The following ZNF543 variants were observed in gnomAD, a reference collection of about 807,000 sequenced individuals.
ZNF543 encodes the protein zinc finger protein 543.
Under a neutral mutation model 13.4 loss-of-function variants are expected in ZNF543, and 10 were observed. The observed-to-expected ratio is 0.75, with a 90% CI of 0.46 to 1.26. ZNF543 has a LOEUF of 1.26. Among genes scored for constraint, ZNF543 ranks in the 50% most tolerant of loss-of-function variants. ZNF543 has a pLI of 0.00. For synonymous variants in ZNF543, 272 were observed against 264.7 expected (o/e 1.03, Z -0.27); for missense variants, 768 against 741.2 (o/e 1.04, Z -0.42).
At chr19:57,323,959 G>T (rs1466068727) in intron 2 of ZNF543, 151 bp downstream of exon 2, 6 of 927,456 alleles carry the variant, frequency 6.5e-6, no homozygotes, top group Non-Finnish European at 7.9e-6. Flanking sequence ...GGAGACCAGG[G>T]TCTGGTGTCC....
chr19:57,322,258 A>T (rs1038517996), intron 1 of ZNF543, among the ~76,000 whole-genome samples: 23 of 152,228 alleles, frequency 1.5e-4, no homozygotes, highest in African/African-American at 5.5e-4. Context: ...GAGGCAGCAG[A>T]TGCAGGTCCA....
chr19:57,329,411 T>G lies in ZNF543; in HGVS notation c.*146T>G. On this transcript the variant is annotated 3_prime_UTR_variant, in exon 4 of 4. Coordinates refer to ENST00000321545, the MANE Select transcript of ZNF543 (RefSeq NM_213598.4). ...CCAGCCTGGAGTCTTATTCTCCACC[T>G]GAGAATTCACCCATGAGAGAGACCC... 5.3e-6 allele frequency: 6 copies of G among 1,124,740 alleles called. No homozygotes were observed. The highest frequency in any genetic ancestry group is 7.4e-6 in the Non-Finnish European group (6 of 805,398). 69.7% of individuals were successfully genotyped at this position (1,124,740 alleles called of 1,614,324 possible).
Position 57,320,628 on chromosome 19 carries a change from C to T in ZNF543, c.-226C>T. On this transcript the variant is annotated 5_prime_UTR_variant, in exon 1 of 4. Coordinates refer to ENST00000321545, the MANE Select transcript of ZNF543 (RefSeq NM_213598.4). The stretch of plus-strand genomic sequence containing the variant: ...GCGGGAGCCTGACGCCCCGCTTCTT[C>T]CCTAACGGGGTGTTCCACCGGCGCC... 2 of 551,574 alleles carry T rather than the reference C, an allele frequency of 3.6e-6. No homozygotes were observed. The highest frequency in any genetic ancestry group is 4.4e-5 in the South Asian group (2 of 44,970). 34.2% of individuals were successfully genotyped at this position (551,574 alleles called of 1,614,324 possible).
Position 57,328,928 on chromosome 19 carries a change from A to T in ZNF543, c.1466A>T (p.Asn489Ile). Residue 489 changes from asparagine to isoleucine, a missense_variant, in exon 4 of 4, where the codon AAC becomes ATC. Physicochemically the swap from Asn to Ile is moderately radical, Grantham distance 149. This residue lies in a region of ZNF543 where 677 missense variants were observed against 631.4 expected (regional missense o/e 1.07). Coordinates refer to ENST00000321545, the MANE Select transcript of ZNF543 (RefSeq NM_213598.4). Reference sequence around the variant, plus strand: ...TGCGTGGAGTGTGGAAAGGCCTTCAACCGCAGCTCACACCTCACGAGGCAC... The same window carrying T: ...TGCGTGGAGTGTGGAAAGGCCTTCATCCGCAGCTCACACCTCACGAGGCAC... The part of the protein sequence containing the change: ...YECVECGKAF[N>I]RSSHLTRHQQ... The T allele has an allele frequency of 2.5e-6, 4 of 1,613,810 alleles. No homozygotes were observed. The highest frequency in any genetic ancestry group is 3.4e-6 in the Non-Finnish European group (4 of 1,179,952).
At chr19:57,322,917 C>G (rs559663464) in intron 1 of ZNF543, among the ~76,000 whole-genome samples, 2 of 152,154 alleles carry the variant, frequency 1.3e-5, no homozygotes, top group Admixed American at 1.3e-4. Context: ...TGGTTTTAAA[C>G]CTCAGGAGTC....
intron 2 of ZNF543, among the ~76,000 whole-genome samples, chr19:57,325,929 G>A (rs1036693898): frequency 6.6e-6 from 1 of 152,162 alleles, no homozygotes. Flanking sequence ...CTTCCTGAAA[G>A]AGAAGGTTTT....
At position 57,321,593 on chromosome 19, in the gene ZNF543, T is replaced by C. The variant is rs1418872318; in HGVS notation, c.18+722T>C. On this transcript the variant is annotated intron_variant, in intron 1 of 3. Coordinates refer to ENST00000321545, the MANE Select transcript of ZNF543 (RefSeq NM_213598.4). ...GGCATTATTTAACCCTCAGCTCCTT[T>C]AATCCTGAACTCCTTAGAATTAGGT... 2.6e-5 allele frequency among the ~76,000 whole-genome samples: 4 copies of C among 152,246 alleles called. No homozygotes were observed. The East Asian group carries it at 7.7e-4, about 29-fold the overall frequency.
intron 1 of ZNF543, among the ~76,000 whole-genome samples, chr19:57,322,701 C>G (rs564952429): frequency 6.6e-6 from 1 of 152,258 alleles, no homozygotes; most frequent in African/African-American, 2.4e-5. Flanking sequence ...GACCTCAAGT[C>G]TCTGAGTGTG....
chr19:57,320,696 C>T lies in ZNF543; in HGVS notation c.-158C>T. 2 of 907,460 alleles carry T rather than the reference C, an allele frequency of 2.2e-6. No individual in the cohort carries two copies. Among genetic ancestry groups the T allele is most frequent in the Non-Finnish European group, 3.2e-6 (2 of 624,808 alleles). The allele number at this position is 907,460 out of a possible 1,614,324, so 56.2% of individuals were successfully genotyped here. The stretch of plus-strand genomic sequence containing the variant: ...CCGCAGCCGCCCTCCGTCTCCTCAG[C>T]CCCGACGCTGCGCCCGCTTTGTGCG... On this transcript the variant is annotated 5_prime_UTR_variant, in exon 1 of 4. Coordinates refer to ENST00000321545, the MANE Select transcript of ZNF543 (RefSeq NM_213598.4).
rs528510434 is a variant in ZNF543, at chr19:57,323,349, G to A, written c.19-333G>A. On this transcript the variant is annotated intron_variant, in intron 1 of 3. Transcript: ENST00000321545. Reference sequence around the variant, plus strand: ...TGGGAATACAGGCGCCCGCCACCGCGCCCGGCTAATTTTTTTGTATTTTTA... The same window carrying A: ...TGGGAATACAGGCGCCCGCCACCGCACCCGGCTAATTTTTTTGTATTTTTA... Among the ~76,000 whole-genome samples, 13 of 152,076 alleles carry A rather than the reference G, an allele frequency of 8.5e-5. No homozygotes were observed. In the East Asian group the frequency reaches 2.1e-3, roughly 25 times the overall value.
Position 57,326,673 on chromosome 19 carries a change from TCA to T in ZNF543, c.189_190del (p.His63GlnfsTer19), listed in dbSNP as rs2088122768. ...FKPELIYQLD[H>X]RQELWMATKD... ...AACCAGAGCTGATCTACCAGTTGGA[TCA>T]CAGACAGGAGCTATGGATGGCTACA... On this transcript the variant is annotated frameshift_variant, in exon 3 of 4. Transcript: ENST00000321545. LOFTEE classifies it high-confidence loss of function. 3 of 1,614,128 alleles carry T rather than the reference TCA, an allele frequency of 1.9e-6. No homozygotes were observed. The highest frequency in any genetic ancestry group is 2.5e-6 in the Non-Finnish European group (3 of 1,179,990).
At chr19:57,320,901 T>A (rs1250786667) in intron 1 of ZNF543, 30 bp downstream of exon 1, 1 of 1,613,822 alleles carries the variant, frequency 6.2e-7, no homozygotes, top group Non-Finnish European at 8.5e-7. Context: ...GCCTTGCTGC[T>A]GCTCTGCTAC....
chr19:57,328,631 C>G lies in ZNF543; in HGVS notation c.1169C>G (p.Thr390Ser), dbSNP rs1370177910. Residue 390 changes from threonine (T) to serine (S), a missense_variant, in exon 4 of 4, where the codon ACT (threonine) becomes AGT (serine). Coordinates refer to ENST00000321545, the MANE Select transcript of ZNF543 (RefSeq NM_213598.4). ...ADLIQHYIIH[T>S]GEKPYKCMEC... Reference sequence around the variant, plus strand: ...CTCATTCAACACTACATTATCCACACTGGGGAGAAGCCCTATAAGTGCATG... The same window carrying G: ...CTCATTCAACACTACATTATCCACAGTGGGGAGAAGCCCTATAAGTGCATG... The G allele has an allele frequency of 6.2e-7, 1 of 1,613,872 alleles. No individual in the cohort carries two copies. The highest frequency in any genetic ancestry group is 2.2e-5 in the East Asian group (1 of 44,824).
chr19:57,324,208 G>A (rs532739465), intron 2 of ZNF543, among the ~76,000 whole-genome samples: 6 of 152,130 alleles, frequency 3.9e-5, no homozygotes, highest in Non-Finnish European at 7.4e-5. Context: ...AAAATTAGCC[G>A]GGTGTGATGG....
chr19:57,322,796 T>C (rs984993417), intron 1 of ZNF543, among the ~76,000 whole-genome samples: 5 of 152,172 alleles, frequency 3.3e-5, no homozygotes, highest in African/African-American at 1.2e-4. Context: ...ATCTTTTGAC[T>C]ATTCTTGGTG....
chr19:57,323,841 G>C, intron 2 of ZNF543, 33 bp downstream of exon 2: 1 of 1,601,410 alleles, frequency 6.2e-7, no homozygotes, highest in Non-Finnish European at 8.5e-7. Context: ...GCTCCCTTAG[G>C]ATTGAGTTCT....
In ZNF543 at chr19:57,324,987, A is replaced by C. The variant is rs149654133; in HGVS notation, c.145+1179A>C. ...CCTAGGTTATAGTTACATTGTATAAATATCAGTTATTGACATACTATTAGG... is the reference window on the plus strand; with the variant it reads ...CCTAGGTTATAGTTACATTGTATAACTATCAGTTATTGACATACTATTAGG... On this transcript the variant is annotated intron_variant, in intron 2 of 3. Transcript: ENST00000321545. 3.4e-3 allele frequency among the ~76,000 whole-genome samples: 525 copies of C among 152,320 alleles called. 2 individuals carry two copies. The highest frequency in any genetic ancestry group is 0.012 in the African/African-American group (499 of 41,572).
intron 2 of ZNF543, among the ~76,000 whole-genome samples, chr19:57,325,109 C>T (rs998100828): frequency 1.1e-4 from 16 of 152,076 alleles, no homozygotes; most frequent in Non-Finnish European, 2.2e-4. Context: ...TGAGCTGAGA[C>T]CCAAAGAGTG....
intron 2 of ZNF543, among the ~76,000 whole-genome samples, chr19:57,324,174 A>ATTT (rs2088107289): frequency 6.6e-6 from 1 of 152,082 alleles, no homozygotes; most frequent in African/African-American, 2.4e-5. Context: ...ACATGGTGAA[A>ATTT]TCCCGTCTCT....
Sources: gnomAD v4.1 joint callset for allele counts (sites outside exome capture counted in the v4.1 genomes callset) on GRCh38, gnomAD v4.1.1 for gene constraint, gnomAD v4.1.1 regional missense constraint, MANE v1.5 for transcripts, NCBI Gene and HGNC (gene_info 2026-07-23, HGNC 2026-07-21) for gene names.